XXYLT1: variants seen among roughly 807,000 people sequenced by gnomAD.
The protein encoded by XXYLT1 is xyloside xylosyltransferase 1, also known as UDP-xylose:alpha-xyloside alpha-1,3-xylosyltransferase.
Under a neutral mutation model 28.9 loss-of-function variants are expected in XXYLT1, and 20 were observed. That is an observed-to-expected ratio of 0.69 (90% confidence interval 0.49 to 1.00). The LOEUF (loss-of-function observed/expected upper bound fraction) is 1.00. Ranked by LOEUF, XXYLT1 falls within the 50% of genes least tolerant of loss-of-function variation. The pLI, the probability that XXYLT1 is intolerant of heterozygous loss-of-function variation, is 0.00. For missense variants in XXYLT1, 542 were observed against 560.1 expected (o/e 0.97, Z 0.33); for synonymous variants, 257 against 253.8 (o/e 1.01, Z -0.12).
intron 3 of XXYLT1, among the ~76,000 whole-genome samples, chr3:195,121,846 T>A (rs1202446471): frequency 1.3e-5 from 2 of 152,136 alleles, no homozygotes; most frequent in Non-Finnish European, 2.9e-5. Context: ...AGGATCCCCA[T>A]CTATAATACT....
intron 1 of XXYLT1, among the ~76,000 whole-genome samples, chr3:195,238,907 A>T (rs1282512615): frequency 1.3e-5 from 2 of 152,214 alleles, no homozygotes; most frequent in Non-Finnish European, 2.9e-5. Context: ...GGATCTGCGC[A>T]GGCATACACG....
Position 195,115,227 on chromosome 3 carries a change from G to C in XXYLT1, c.785+41222C>G, listed in dbSNP as rs1161056479. 1.4e-4 allele frequency among the ~76,000 whole-genome samples: 22 copies of C among 152,180 alleles called. No individual in the cohort carries two copies. The highest frequency in any genetic ancestry group is 1.4e-3 in the Admixed American group (21 of 15,282). On this transcript the variant is annotated intron_variant, in intron 3 of 3. Coordinates refer to ENST00000310380, the MANE Select transcript of XXYLT1 (RefSeq NM_152531.5). The surrounding 1 kb of genome is among the most constrained non-coding windows in gnomAD (Gnocchi z 4.2). ...GGCTTCTGGCTGTCACTGCTGGTTAGACGGTCCCAGTCACCTTGAACCCAG... is the reference window on the plus strand; with the variant it reads ...GGCTTCTGGCTGTCACTGCTGGTTACACGGTCCCAGTCACCTTGAACCCAG...
intron 1 of XXYLT1, among the ~76,000 whole-genome samples, chr3:195,254,633 C>G (rs1050753754): frequency 7.2e-5 from 11 of 152,058 alleles, no homozygotes; most frequent in Non-Finnish European, 1.5e-4. Flanking sequence ...CAGGCTGGGA[C>G]CTGACACAGG....
At chr3:195,153,669 G>C (rs1720403470) in intron 3 of XXYLT1, among the ~76,000 whole-genome samples, 2 of 152,192 alleles carry the variant, frequency 1.3e-5, no homozygotes, top group African/African-American at 4.8e-5. Context: ...TAATTAAACT[G>C]ATTTTAAGTT....
intron 3 of XXYLT1, among the ~76,000 whole-genome samples, chr3:195,126,164 C>A (rs1718609890): frequency 6.6e-6 from 1 of 152,162 alleles, no homozygotes. Flanking sequence ...TTGAGTTCTA[C>A]CCCTAACACA....
chr3:195,249,206 C>T (rs999230095), intron 1 of XXYLT1, among the ~76,000 whole-genome samples: 1 of 152,166 alleles, frequency 6.6e-6, no homozygotes, highest in Non-Finnish European at 1.5e-5. Flanking sequence ...CCCCGCCTGA[C>T]GTCAGAACCT....
Position 195,151,426 on chromosome 3 carries a change from A to G in XXYLT1, c.785+5023T>C, listed in dbSNP as rs143660611. ...CTGCCTGCAGTCCCAGCTACTCGGG[A>G]GGCTGAGGCAGGAGAACTTCTTGAA... On this transcript the variant is annotated intron_variant, in intron 3 of 3. Coordinates refer to ENST00000310380, the MANE Select transcript of XXYLT1 (RefSeq NM_152531.5). Among the ~76,000 whole-genome samples the G allele has an allele frequency of 7.4e-3, 1,121 of 152,224 alleles. 15 individuals are homozygous for G. Among genetic ancestry groups the G allele is most frequent in the African/African-American group, 0.025 (1,041 of 41,516 alleles).
chr3:195,186,431 G>A (rs533180783), intron 2 of XXYLT1, among the ~76,000 whole-genome samples: 24 of 152,248 alleles, frequency 1.6e-4, no homozygotes, highest in Admixed American at 5.2e-4. Context: ...TAGCCTGACC[G>A]GGGTGTGCTC....
Position 195,256,695 on chromosome 3 carries a change from G to T in XXYLT1, c.504+13860C>A. The T allele has an allele frequency of 1.8e-6, 1 of 545,058 alleles. No individual in the cohort carries two copies. The highest frequency in any genetic ancestry group is 2.3e-6 in the Non-Finnish European group (1 of 427,664). 33.8% of individuals were successfully genotyped at this position (545,058 alleles called of 1,614,324 possible). On this transcript the variant is annotated intron_variant, in intron 1 of 3. Transcript: ENST00000310380. This position sits in a 1 kb window ranked among gnomAD's most constrained non-coding sequence, Gnocchi z 4.2. ...GCCGGAGCGTCCCCACTCCTCTTAT[G>T]ATGAGAAACTGAGGCAAAGACATCA...
In XXYLT1 at chr3:195,195,158, C is replaced by T. The variant is rs554943746; in HGVS notation, c.652+31551G>A. On this transcript the variant is annotated intron_variant, in intron 2 of 3. Transcript: ENST00000310380. The surrounding 1 kb of genome is among the most constrained non-coding windows in gnomAD (Gnocchi z 4.4). ...CAGCTGTTACTACAATGGTTGTTGA[C>T]GTTAAATGCTATGGAGGGCCACTGA... is the stretch of plus-strand genomic sequence containing the variant. 1.3e-5 allele frequency among the ~76,000 whole-genome samples: 2 copies of T among 151,992 alleles called. No homozygotes were observed. Among genetic ancestry groups the T allele is most frequent in the East Asian group, 1.9e-4 (1 of 5,186 alleles).
Position 195,076,611 on chromosome 3 carries a change from G to GT in XXYLT1, c.786-6501dup, listed in dbSNP as rs1715134871. 6.6e-6 allele frequency among the ~76,000 whole-genome samples: 1 copy of GT among 152,168 alleles called. No individual in the cohort carries two copies. Among genetic ancestry groups the GT allele is most frequent in the African/African-American group, 2.4e-5 (1 of 41,434 alleles). On this transcript the variant is annotated intron_variant, in intron 3 of 3. Transcript: ENST00000310380. The surrounding 1 kb of genome is among the most constrained non-coding windows in gnomAD (Gnocchi z 5.3). ...ATGGGGCGGCTTCAGCAGCAGAAAGGTGCTGCCTCTCCGTTCGGCGGGCTG... is the reference window on the plus strand; with the variant it reads ...ATGGGGCGGCTTCAGCAGCAGAAAGGTTGCTGCCTCTCCGTTCGGCGGGCTG...
intron 3 of XXYLT1, among the ~76,000 whole-genome samples, chr3:195,088,193 G>A (rs937644179): frequency 1.3e-5 from 2 of 151,648 alleles, no homozygotes; most frequent in African/African-American, 4.8e-5. Flanking sequence ...ACAGCTCAAG[G>A]AGGCCTGCCT....
chr3:195,270,232 C>A (rs1725972581), intron 1 of XXYLT1: 1 of 589,382 alleles, frequency 1.7e-6, no homozygotes, highest in Admixed American at 2.4e-5. Flanking sequence ...GAGGTGCAGA[C>A]TCTGAAGGCA....
At chr3:195,188,827 A>C (rs915157853) in intron 2 of XXYLT1, among the ~76,000 whole-genome samples, 3 of 152,254 alleles carry the variant, frequency 2.0e-5, no homozygotes, top group Non-Finnish European at 4.4e-5. Flanking sequence ...TTGTGTAAAC[A>C]TTAAGCACTT....
At chr3:195,109,334 AGCGTGTGTGT>A (rs1271479740) in intron 3 of XXYLT1, among the ~76,000 whole-genome samples, 2,345 of 152,158 alleles carry the variant, frequency 0.015, 59 homozygotes, top group African/African-American at 0.054. Context: ...CCAAGCCAGC[AGCGTGTGTGT>A]GCGTGTATGG....
Position 195,209,181 on chromosome 3 carries a change from C to T in XXYLT1, c.652+17528G>A, listed in dbSNP as rs1392393729. Reference sequence around the variant, plus strand: ...GAACCGGCTCACCCTGTTAAGAAGCCAGTCCTCACTAGGGCAAGAAGCCTG... The same window carrying T: ...GAACCGGCTCACCCTGTTAAGAAGCTAGTCCTCACTAGGGCAAGAAGCCTG... On this transcript the variant is annotated intron_variant, in intron 2 of 3. Transcript: ENST00000310380. This position sits in a 1 kb window ranked among gnomAD's most constrained non-coding sequence, Gnocchi z 5.0. 2.6e-5 allele frequency among the ~76,000 whole-genome samples: 4 copies of T among 152,218 alleles called. No individual in the cohort carries two copies. The highest frequency in any genetic ancestry group is 7.2e-5 in the African/African-American group (3 of 41,458).
chr3:195,093,673 A>G (rs2108663718), intron 3 of XXYLT1: 1 of 151,070 alleles, frequency 6.6e-6, no homozygotes, highest in East Asian at 2.0e-4. Flanking sequence ...TAGAACTTAA[A>G]GTATAATAAA....
chr3:195,178,408 C>G (rs1721780479), intron 2 of XXYLT1, among the ~76,000 whole-genome samples: 1 of 152,192 alleles, frequency 6.6e-6, no homozygotes, highest in Admixed American at 6.5e-5. Context: ...CCAGAAAACC[C>G]TATTATGTGG....
intron 3 of XXYLT1, among the ~76,000 whole-genome samples, chr3:195,114,943 G>A (rs1335936988): frequency 3.9e-5 from 6 of 152,218 alleles, no homozygotes; most frequent in Admixed American, 1.3e-4. Flanking sequence ...CGGCCTGGGC[G>A]CAGTCACTCC....
Sources: allele counts gnomAD v4.1 joint callset (sites outside exome capture counted in the v4.1 genomes callset), GRCh38; gene constraint gnomAD v4.1.1; non-coding constraint Gnocchi (gnomAD v3.1); transcripts MANE v1.5; gene names NCBI Gene and HGNC (gene_info 2026-07-23, HGNC 2026-07-21).